Variants in MSL3 observed in about 807,000 individuals in gnomAD.
The protein encoded by MSL3 is MSL complex subunit 3.
MSL3 carries 5 observed loss-of-function variants against 37.2 expected under a neutral mutation model. That is an observed-to-expected ratio of 0.13 (90% confidence interval 0.07 to 0.28). MSL3 has a LOEUF of 0.28. MSL3 is among the 10% of genes least tolerant of loss of function. The probability of loss-of-function intolerance (pLI) is 1.00; values close to 1 mark genes in which losing one functional copy is unlikely to be tolerated. For synonymous variants in MSL3, 149 were observed against 147.6 expected (o/e 1.01, Z -0.07); for missense variants, 315 against 408.5 (o/e 0.77, Z 1.97).
At position 11,763,955 on chromosome X, in the gene MSL3, G is replaced by A; in HGVS notation, c.908+17G>A. 8.5e-7 allele frequency: 1 copy of A among 1,183,011 alleles called. No individual in the cohort carries two copies. Among genetic ancestry groups the A allele is most frequent in the Non-Finnish European group, 1.1e-6 (1 of 876,067 alleles). ...CACTAACAGGTAAGTTATATAGCCT[G>A]CACTTTCACCCTCACATGTCAGCAG... On this transcript the variant is annotated intron_variant, in intron 8 of 12. Coordinates refer to ENST00000312196, the MANE Select transcript of MSL3 (RefSeq NM_078629.4).
At chrX:11,762,707 C>A (rs1051142024) in intron 6 of MSL3, 130 bp from the exon 7 acceptor site, 6 of 565,535 alleles carry the variant, frequency 1.1e-5, no homozygotes, top group Non-Finnish European at 1.7e-5. Context: ...TTAAGAAGTT[C>A]TATTCAAACA....
At chrX:11,774,569 C>T (rs1003129228) in intron 12 of MSL3, among the ~76,000 whole-genome samples, 2 of 112,189 alleles carry the variant, frequency 1.8e-5, no homozygotes, top group Admixed American at 9.4e-5. Context: ...CCACCTGCCT[C>T]GGCCTCCCAA....
Position 11,761,601 on chromosome X carries a change from A to G in MSL3, c.465+19A>G, listed in dbSNP as rs759611911. The G allele has an allele frequency of 2.0e-6, 2 of 1,018,444 alleles. No individual in the cohort carries two copies. Among genetic ancestry groups the G allele is most frequent in the Non-Finnish European group, 2.7e-6 (2 of 738,149 alleles). The allele number at this position is 1,018,444 out of a possible 1,213,427, so 83.9% of individuals were successfully genotyped here. A position where few individuals can be genotyped will look rare whatever the true frequency, so the allele number is the denominator to read the frequency against. On this transcript the variant is annotated intron_variant, in intron 5 of 12. Coordinates refer to ENST00000312196, the MANE Select transcript of MSL3 (RefSeq NM_078629.4). The stretch of plus-strand genomic sequence containing the variant: ...TGAAGTGGTATAAAGTTTTTATTGT[A>G]AAAACTTTCTCTTTGTTATATATTT...
chrX:11,772,193 C>T lies in MSL3; in HGVS notation c.1319C>T (p.Pro440Leu), dbSNP rs369777019. The change falls in exon 11 of 13, where the codon CCA becomes CTA. Residue 440 changes from proline (P) to leucine (L), a missense_variant. By Grantham distance (98) the Pro-to-Leu change is moderately conservative (BLOSUM62 -3). Transcript: ENST00000312196. ...SWKLVPDNYP[P>L]GDQPPPPSYI... ...AAGCTTGTGCCTGACAATTACCCCCCAGGTGACCAGCCGCCTCCACCCTCT... is the reference window on the plus strand; with the variant it reads ...AAGCTTGTGCCTGACAATTACCCCCTAGGTGACCAGCCGCCTCCACCCTCT... The T allele has an allele frequency of 2.6e-5, 32 of 1,208,556 alleles. No individual in the cohort carries two copies. The African/African-American group carries it at 5.1e-4, about 19-fold the overall frequency.
chrX:11,762,964 A>G lies in MSL3; in HGVS notation c.716A>G (p.Asn239Ser). ...PRHHHVMPHA[N>S]MNVHYIPAEK... ...CACCATCACGTTATGCCACATGCCAACATGAACGTGCATTATATCCCAGCA... is the reference window on the plus strand; with the variant it reads ...CACCATCACGTTATGCCACATGCCAGCATGAACGTGCATTATATCCCAGCA... The change falls in exon 7 of 13, where the codon AAC (asparagine) becomes AGC (serine). Residue 239 changes from asparagine to serine, a missense_variant. Transcript: ENST00000312196. The G allele has an allele frequency of 8.3e-7, 1 of 1,208,981 alleles. No homozygotes were observed. The highest frequency in any genetic ancestry group is 1.1e-6 in the Non-Finnish European group (1 of 894,510).
chrX:11,765,750 C>T (rs780063099), intron 9 of MSL3, 21 bp downstream of exon 9: 3 of 1,207,549 alleles, frequency 2.5e-6, no homozygotes, highest in Non-Finnish European at 3.4e-6. Context: ...TCTCGGGTGC[C>T]CCAGGCCGGG....
Position 11,765,643 on chromosome X carries a change from C to T in MSL3, c.1085C>T (p.Ser362Phe). The T allele has an allele frequency of 8.3e-7, 1 of 1,211,931 alleles. No homozygotes were observed. The highest frequency in any genetic ancestry group is 1.1e-6 in the Non-Finnish European group (1 of 895,477). Residue 362 changes from serine to phenylalanine, a missense_variant, in exon 9 of 13, where the codon TCT (serine) becomes TTT (phenylalanine). Physicochemically the swap from Ser to Phe is radical, Grantham distance 155. Transcript: ENST00000312196. Reference protein sequence around the residue: ...TRHSANCDRLSESSASPQPKR... With the variant: ...TRHSANCDRLFESSASPQPKR... ...CACAGTGCCAACTGTGACAGGCTTT[C>T]TGAGAGCAGCGCTTCACCTCAGCCC...
intron 4 of MSL3, 177 bp downstream of exon 4, chrX:11,761,114 C>A (rs1356309872): frequency 4.8e-6 from 2 of 417,050 alleles, no homozygotes; most frequent in East Asian, 8.1e-5. Flanking sequence ...AGTAATAGAA[C>A]GTTAGCAGAG....
chrX:11,770,784 C>T (rs1484654860), intron 10 of MSL3, among the ~76,000 whole-genome samples: 1 of 112,416 alleles, frequency 8.9e-6, no homozygotes, highest in African/African-American at 3.2e-5. Context: ...TGCCTTGAAA[C>T]ACAGAATTGA....
Position 11,762,947 on chromosome X carries a change from C to T in MSL3, c.699C>T (p.His233=), listed in dbSNP as rs373136778. The T allele has an allele frequency of 2.0e-5, 24 of 1,208,685 alleles. No individual in the cohort carries two copies. Among genetic ancestry groups the T allele is most frequent in the Non-Finnish European group, 2.7e-5 (24 of 894,573 alleles). The stretch of plus-strand genomic sequence containing the variant: ...CCAATGAGAGGCCTCGTCACCATCA[C>T]GTTATGCCACATGCCAACATGAACG... The part of the protein sequence containing the change: ...FSANERPRHH[H]VMPHANMNVH... Residue 233 remains histidine (H), a synonymous_variant, in exon 7 of 13, where the codon CAC becomes CAT. Transcript: ENST00000312196.
intron 1 of MSL3, chrX:11,758,688 G>A (rs1440441679): frequency 4.2e-5 from 49 of 1,165,212 alleles, no homozygotes; most frequent in Non-Finnish European, 5.5e-5. Context: ...TCTCGAATAC[G>A]GTTTCTGTCT....
chrX:11,763,982 A>G (rs1394404758), intron 8 of MSL3, 44 bp downstream of exon 8: 12 of 1,090,239 alleles, frequency 1.1e-5, no homozygotes, highest in Non-Finnish European at 1.5e-5. Flanking sequence ...TGTCAGCAGT[A>G]CAATGATCAG....
At chrX:11,773,597 C>T (rs1021555543) in intron 12 of MSL3, among the ~76,000 whole-genome samples, 1 of 112,093 alleles carries the variant, frequency 8.9e-6, no homozygotes, top group Non-Finnish European at 1.9e-5. Flanking sequence ...AGACCCTCTT[C>T]CCTCCCAGCC....
In MSL3 at chrX:11,765,906, C is replaced by T. The variant is rs184579560; in HGVS notation, c.1171+177C>T. ...AGCTGTAGAAAGTTGAAACACCTGG[C>T]GCAGATTGCAGCGCAGCTGTGTTGG... On this transcript the variant is annotated intron_variant, in intron 9 of 12. Coordinates refer to ENST00000312196, the MANE Select transcript of MSL3 (RefSeq NM_078629.4). 103 of 1,099,785 alleles carry T rather than the reference C, an allele frequency of 9.4e-5. 1 individual carries two copies. In the East Asian group the frequency reaches 2.4e-3, roughly 26 times the overall value. The allele number at this position is 1,099,785 out of a possible 1,213,427, so 90.6% of individuals were successfully genotyped here.
At chrX:11,774,409 T>G (rs888179711) in intron 12 of MSL3, among the ~76,000 whole-genome samples, 7 of 111,822 alleles carry the variant, frequency 6.3e-5, no homozygotes, top group Non-Finnish European at 1.1e-4. Context: ...AAGCTCTGCC[T>G]CCCAGGTTCA....
At chrX:11,760,975 C>G (rs1294529601) in intron 4 of MSL3, 38 bp downstream of exon 4, 3 of 973,036 alleles carry the variant, frequency 3.1e-6, no homozygotes, top group Non-Finnish European at 1.4e-6. Context: ...GCTGAAAGAA[C>G]TTCCACCTAG....
At chrX:11,771,234 G>A (rs192557809) in intron 10 of MSL3, among the ~76,000 whole-genome samples, 4 of 112,281 alleles carry the variant, frequency 3.6e-5, no homozygotes, top group South Asian at 7.4e-4. Flanking sequence ...TGAATATGAC[G>A]TCCCAAAAGC....
At chrX:11,761,442 A>T in intron 4 of MSL3, 58 bp from the exon 5 acceptor site, 2 of 755,167 alleles carry the variant, frequency 2.6e-6, no homozygotes, top group Admixed American at 5.6e-5. Flanking sequence ...AGATCTGTAG[A>T]CATAAGGGTT....
chrX:11,764,736 G>C (rs1444815832), intron 8 of MSL3, among the ~76,000 whole-genome samples: 2 of 111,901 alleles, frequency 1.8e-5, no homozygotes, highest in African/African-American at 6.5e-5. Flanking sequence ...CGGCCACCTT[G>C]CCCTGCCCTC....
Sources: allele counts gnomAD v4.1 joint callset (sites outside exome capture counted in the v4.1 genomes callset), GRCh38; gene constraint gnomAD v4.1.1; transcripts MANE v1.5; gene names NCBI Gene and HGNC (gene_info 2026-07-23, HGNC 2026-07-21).